UVSSA: variants seen among roughly 807,000 people sequenced by gnomAD.
The protein encoded by UVSSA is UV stimulated scaffold protein A.
Under a neutral mutation model 73.9 loss-of-function variants are expected in UVSSA, and 72 were observed. That is an observed-to-expected ratio of 0.97 (90% CI 0.81 to 1.19). The LOEUF is 1.19. UVSSA is among the 50% of genes most tolerant of loss of function. The pLI, the probability that UVSSA is intolerant of heterozygous loss-of-function variation, is 0.00. For synonymous variants in UVSSA, 454 were observed against 391.3 expected (o/e 1.16, Z -1.89); for missense variants, 1,150 against 965.0 (o/e 1.19, Z -2.54).
chr4:1,360,954 C>T (rs1311181357), intron 7 of UVSSA, among the ~76,000 whole-genome samples: 3 of 152,232 alleles, frequency 2.0e-5, no homozygotes, highest in African/African-American at 7.2e-5. Flanking sequence ...CTCAGAACGT[C>T]CTATGTGGGA....
chr4:1,363,233 T>G (rs1227734150), intron 7 of UVSSA, among the ~76,000 whole-genome samples: 1 of 152,120 alleles, frequency 6.6e-6, no homozygotes. Flanking sequence ...CCCACGGACC[T>G]GGCCGCTGTT....
exon 14 of UVSSA, chr4:1,395,373 A>T: frequency 5.0e-6 from 7 of 1,394,256 alleles, no homozygotes; most frequent in Non-Finnish European, 4.8e-6. Flanking sequence ...GCCGATGTGG[A>T]GTGCCCGCCT....
chr4:1,359,216 C>G (rs1716255829), intron 7 of UVSSA: 1 of 152,140 alleles, frequency 6.6e-6, no homozygotes, highest in Non-Finnish European at 1.5e-5. Flanking sequence ...TCAGAAAATA[C>G]TCAACGCTGG....
rs367794912 is a variant in UVSSA, at chr4:1,375,404, C to T, written c.1329C>T (p.Cys443=). Residue 443 remains cysteine (C), a synonymous_variant, in exon 9 of 14, where the codon TGC becomes TGT. Transcript: ENST00000389851. ...CAGAGAAAGACACAGTTGTGCGGTG[C>T]TTGCGGACGAGGACGAGGATGGACG... The part of the protein sequence containing the change: ...AAPEKDTVVR[C]LRTRTRMDEE... 1 of 1,613,506 alleles carries T rather than the reference C, an allele frequency of 6.2e-7. No homozygotes were observed. Among genetic ancestry groups the T allele is most frequent in the African/African-American group, 1.3e-5 (1 of 74,930 alleles).
chr4:1,351,032 A>G (rs6852717), intron 3 of UVSSA, among the ~76,000 whole-genome samples: 23,766 of 151,868 alleles, frequency 0.16, 3,438 homozygotes, highest in East Asian at 0.43. Flanking sequence ...CAGCCTCCCA[A>G]GTAGCTGGGA....
In UVSSA at chr4:1,373,023, T is replaced by C. The variant is rs185622384; in HGVS notation, c.1289-2341T>C. On this transcript the variant is annotated intron_variant, in intron 8 of 13. Coordinates refer to ENST00000389851, the MANE Select transcript of UVSSA (RefSeq NM_020894.4). ...CCATGGCAAACCTCAAAAGGCCTTGTCTCCATGAGGTCGTCGTCCTGTGCC... is the reference window on the plus strand; with the variant it reads ...CCATGGCAAACCTCAAAAGGCCTTGCCTCCATGAGGTCGTCGTCCTGTGCC... Among the ~76,000 whole-genome samples, 18 of 152,372 alleles carry C rather than the reference T, an allele frequency of 1.2e-4. No homozygotes were observed. In the East Asian group the frequency reaches 3.3e-3, roughly 28 times the overall value.
intron 8 of UVSSA, among the ~76,000 whole-genome samples, chr4:1,368,010 C>T (rs1235007462): frequency 8.5e-5 from 13 of 152,274 alleles, no homozygotes; most frequent in Admixed American, 7.8e-4. Flanking sequence ...CTCTTGGCCG[C>T]CCTCAGGTGG....
At chr4:1,365,337 C>T (rs1425486688) in intron 7 of UVSSA, among the ~76,000 whole-genome samples, 2 of 152,236 alleles carry the variant, frequency 1.3e-5, no homozygotes, top group East Asian at 3.9e-4. Context: ...GCCATGGTGT[C>T]TTGTGCCACA....
At chr4:1,375,584 T>C in intron 9 of UVSSA, 76 bp downstream of exon 9, 1 of 1,541,864 alleles carries the variant, frequency 6.5e-7, no homozygotes. Flanking sequence ...CTGGCCGGCC[T>C]CGAGAGGCTG....
At chr4:1,375,159 A>G (rs1718597664) in intron 8 of UVSSA, 1 of 746,736 alleles carries the variant, frequency 1.3e-6, no homozygotes, top group Non-Finnish European at 2.2e-6. Context: ...CCCCCGACGC[A>G]CGCCATGTTC....
exon 14 of UVSSA, chr4:1,394,103 T>C (rs1720467091): frequency 9.2e-6 from 3 of 324,338 alleles, no homozygotes; most frequent in Non-Finnish European, 1.2e-5. Context: ...ACTTCTTACT[T>C]GCACACAGCC....
chr4:1,358,186 G>A (rs1449190218), intron 7 of UVSSA: 2 of 152,654 alleles, frequency 1.3e-5, no homozygotes, highest in African/African-American at 4.8e-5. Flanking sequence ...TGACCCATCT[G>A]TGTGCATCCT....
chr4:1,369,646 C>A (rs1487754349), intron 8 of UVSSA, among the ~76,000 whole-genome samples: 1 of 152,226 alleles, frequency 6.6e-6, no homozygotes, highest in East Asian at 1.9e-4. Flanking sequence ...AATTACAAGG[C>A]CAGCTGAACT....
At position 1,376,016 on chromosome 4, in the gene UVSSA, C is replaced by T. The variant is rs934188366; in HGVS notation, c.1434-18C>T. ...GGCACCAGCAGCACCGTCAGGCTGT[C>T]CCACTCTGCTCCTGTAGCCCCTCCA... On this transcript the variant is annotated intron_variant, in intron 9 of 13. Coordinates refer to ENST00000389851, the MANE Select transcript of UVSSA (RefSeq NM_020894.4). 14 of 1,581,420 alleles carry T rather than the reference C, an allele frequency of 8.9e-6. No homozygotes were observed. Among genetic ancestry groups the T allele is most frequent in the Non-Finnish European group, 1.2e-5 (14 of 1,165,796 alleles).
intron 13 of UVSSA, 59 bp downstream of exon 13, chr4:1,383,999 A>T: frequency 6.6e-7 from 1 of 1,524,680 alleles, no homozygotes; most frequent in South Asian, 1.2e-5. Flanking sequence ...AGGGTGTTCG[A>T]GGGGGGCCAT....
Position 1,355,164 on chromosome 4 carries a change from T to C in UVSSA, c.1095T>C (p.Ile365=). The stretch of plus-strand genomic sequence containing the variant: ...ACGGTGGATGTTTAAAGCGTGCCAT[T>C]GACCTGAAGGCTGAATTGGAGCTCG... The part of the protein sequence containing the change: ...GTHGGCLKRA[I]DLKAELELVL... Residue 365 remains isoleucine, a synonymous_variant, in exon 7 of 14, where the codon ATT becomes ATC. Coordinates refer to ENST00000389851, the MANE Select transcript of UVSSA (RefSeq NM_020894.4). 1 of 1,613,872 alleles carries C rather than the reference T, an allele frequency of 6.2e-7. No individual in the cohort carries two copies. Among genetic ancestry groups the C allele is most frequent in the Non-Finnish European group, 8.5e-7 (1 of 1,179,916 alleles).
At chr4:1,362,609 C>T (rs905613692) in intron 7 of UVSSA, among the ~76,000 whole-genome samples, 1 of 152,270 alleles carries the variant, frequency 6.6e-6, no homozygotes, top group Non-Finnish European at 1.5e-5. Flanking sequence ...TCGTCCAGAG[C>T]CCCCCCGCAC....
chr4:1,361,342 G>A (rs921139614), intron 7 of UVSSA, among the ~76,000 whole-genome samples: 1 of 152,254 alleles, frequency 6.6e-6, no homozygotes, highest in Non-Finnish European at 1.5e-5. Flanking sequence ...TGGGTTAGAC[G>A]AGAATGGGAA....
At chr4:1,361,780 A>G (rs924768069) in intron 7 of UVSSA, among the ~76,000 whole-genome samples, 1 of 152,322 alleles carries the variant, frequency 6.6e-6, no homozygotes, top group East Asian at 1.9e-4. Context: ...ATGGGTTTTT[A>G]AACACATAGC....
Sources: allele counts gnomAD v4.1 joint callset (sites outside exome capture counted in the v4.1 genomes callset), GRCh38; gene constraint gnomAD v4.1.1; transcripts MANE v1.5; gene names NCBI Gene and HGNC (gene_info 2026-07-23, HGNC 2026-07-21).